The following RBFOX1 variants were observed in gnomAD, a reference collection of about 807,000 sequenced individuals.
RBFOX1 encodes RNA binding protein fox-1 homolog 1.
In RBFOX1, 8 loss-of-function variants were observed where a neutral mutation model predicts 57.7. The ratio of observed to expected loss-of-function variants is 0.14; its 90% CI spans 0.08 to 0.25. RBFOX1 has a LOEUF of 0.25. RBFOX1 is among the 10% of genes least tolerant of loss of function. The pLI is 1.00. For missense variants in RBFOX1, 611 were observed against 548.5 expected (o/e 1.11, Z -1.14); for synonymous variants, 326 against 222.4 (o/e 1.47, Z -4.15).
At chr16:7,034,297 T>C (rs1394680075) in intron 3 of RBFOX1, among the ~76,000 whole-genome samples, 2 of 152,300 alleles carry the variant, frequency 1.3e-5, no homozygotes, top group East Asian at 1.9e-4. Flanking sequence ...GTAAGGTCCC[T>C]GTAAGAAGTC....
chr16:5,629,646 G>C (rs1198041086), intron 3 of RBFOX1, among the ~76,000 whole-genome samples: 1 of 152,148 alleles, frequency 6.6e-6, no homozygotes, highest in East Asian at 1.9e-4. Flanking sequence ...TGGGGTCTTG[G>C]TATGATAATA....
At chr16:5,435,313 C>T (rs755497703) in intron 1 of RBFOX1, among the ~76,000 whole-genome samples, 1 of 152,156 alleles carries the variant, frequency 6.6e-6, no homozygotes, top group East Asian at 1.9e-4. Flanking sequence ...GTTTCCCCAC[C>T]AGACCTCCCT....
chr16:6,719,722 A>C (rs2154160802), intron 3 of RBFOX1, among the ~76,000 whole-genome samples: 1 of 152,120 alleles, frequency 6.6e-6, no homozygotes, highest in East Asian at 1.9e-4. Context: ...ATGGGATTAC[A>C]GGCGTGAGCC....
chr16:6,055,160 G>C (rs2095599706), intron 1 of RBFOX1, among the ~76,000 whole-genome samples: 1 of 152,042 alleles, frequency 6.6e-6, no homozygotes, highest in African/African-American at 2.4e-5. Flanking sequence ...TAGTATTTTG[G>C]AATGAGTAAA....
chr16:7,428,599 G>A (rs2098647118), intron 4 of RBFOX1, among the ~76,000 whole-genome samples: 1 of 150,680 alleles, frequency 6.6e-6, no homozygotes, highest in South Asian at 2.1e-4. Flanking sequence ...TCAAACTCCT[G>A]ACCTCAGGTG....
At chr16:6,591,275 A>C (rs963826543) in intron 2 of RBFOX1, among the ~76,000 whole-genome samples, 1 of 152,054 alleles carries the variant, frequency 6.6e-6, no homozygotes, top group African/African-American at 2.4e-5. Flanking sequence ...ATGAAACACC[A>C]CCTCTACTAA....
At chr16:7,097,560 A>G (rs2061913536) in intron 4 of RBFOX1, among the ~76,000 whole-genome samples, 1 of 152,124 alleles carries the variant, frequency 6.6e-6, no homozygotes, top group Admixed American at 6.6e-5. Flanking sequence ...GATTTTAAGC[A>G]CCTCTCCATC....
intron 4 of RBFOX1, among the ~76,000 whole-genome samples, chr16:5,896,139 C>A (rs1019855623): frequency 1.3e-5 from 2 of 152,062 alleles, no homozygotes; most frequent in Non-Finnish European, 2.9e-5. Context: ...GGAATCTGAT[C>A]CTGGATGGAT....
chr16:7,473,957 G>A (rs2062086414), intron 4 of RBFOX1, among the ~76,000 whole-genome samples: 1 of 152,078 alleles, frequency 6.6e-6, no homozygotes, highest in Non-Finnish European at 1.5e-5. Context: ...GCAAGCAATC[G>A]AGACGTTATT....
chr16:5,689,588 C>G (rs944201836), intron 3 of RBFOX1, among the ~76,000 whole-genome samples: 2 of 152,136 alleles, frequency 1.3e-5, no homozygotes, highest in South Asian at 2.1e-4. Flanking sequence ...GAATATTTCT[C>G]TTTGTCCTCT....
intron 1 of RBFOX1, among the ~76,000 whole-genome samples, chr16:5,274,999 A>G (rs2063107980): frequency 6.6e-6 from 1 of 152,200 alleles, no homozygotes; most frequent in Non-Finnish European, 1.5e-5. Flanking sequence ...GCTTGGGTAA[A>G]TTAGTAGCTT....
At chr16:7,517,159 G>C (rs1363580700) in intron 4 of RBFOX1, among the ~76,000 whole-genome samples, 3 of 150,512 alleles carry the variant, frequency 2.0e-5, no homozygotes, top group African/African-American at 7.3e-5. Flanking sequence ...GTGTGTGTGT[G>C]TGTGTGTGTG....
intron 1 of RBFOX1, among the ~76,000 whole-genome samples, chr16:6,023,575 C>T (rs1038408916): frequency 4.6e-5 from 7 of 152,240 alleles, no homozygotes; most frequent in Admixed American, 4.6e-4. Context: ...GTATTTGACA[C>T]AGAAAATACT....
intron 4 of RBFOX1, among the ~76,000 whole-genome samples, chr16:7,219,579 G>A (rs973030167): frequency 1.3e-5 from 2 of 152,178 alleles, no homozygotes; most frequent in African/African-American, 4.8e-5. Flanking sequence ...CAGAAAATAT[G>A]AGGCATAGCT....
chr16:5,635,841 A>G (rs1025449970), intron 3 of RBFOX1, among the ~76,000 whole-genome samples: 3 of 152,056 alleles, frequency 2.0e-5, no homozygotes, highest in African/African-American at 7.2e-5. Flanking sequence ...TTTGATTTCT[A>G]TCATGCATTC....
Position 6,868,854 on chromosome 16 carries a change from T to C in RBFOX1, c.-15-183203T>C, listed in dbSNP as rs534133799. ...TTGCCATATGACTTACTTTGACTAA[T>C]GAAATATGCAGGGAGGTGATGTGAC... On this transcript the variant is annotated intron_variant, in intron 3 of 15. Transcript: ENST00000550418. Among the ~76,000 whole-genome samples, 8 of 152,320 alleles carry C rather than the reference T, an allele frequency of 5.3e-5. No individual in the cohort carries two copies. In the East Asian group the frequency reaches 1.2e-3, roughly 22 times the overall value.
At position 5,359,813 on chromosome 16, in the gene RBFOX1, C is replaced by G. The variant is rs184517786; in HGVS notation, c.220-107403C>G. ...CGGGGAGTCATAGTTTAGCATTTAA[C>G]AGGGAACTGTGGTTAATGGTTTCCT... On this transcript the variant is annotated intron_variant, in intron 1 of 2. Transcript: ENST00000585867. Among the ~76,000 whole-genome samples the G allele has an allele frequency of 5.3e-5, 8 of 152,278 alleles. No individual in the cohort carries two copies. In the East Asian group the frequency reaches 1.2e-3, roughly 22 times the overall value.
At chr16:6,447,363 A>G (rs34421209) in intron 2 of RBFOX1, among the ~76,000 whole-genome samples, 2,468 of 152,330 alleles carry the variant, frequency 0.016, 37 homozygotes, top group Middle Eastern at 0.031. Context: ...AAGACCAACA[A>G]TTACATACCT....
At chr16:5,570,030 C>T (rs2046225323) in intron 2 of RBFOX1, among the ~76,000 whole-genome samples, 1 of 152,190 alleles carries the variant, frequency 6.6e-6, no homozygotes, top group South Asian at 2.1e-4. Context: ...CCTTTCGTGG[C>T]AACAACACCC....
Sources: allele counts gnomAD v4.1 joint callset (sites outside exome capture counted in the v4.1 genomes callset), GRCh38; gene constraint gnomAD v4.1.1; transcripts MANE v1.5; gene names NCBI Gene and HGNC (gene_info 2026-07-23, HGNC 2026-07-21).